PCDHA4: variants seen among roughly 807,000 people sequenced by gnomAD.
PCDHA4 encodes the protein protocadherin alpha 4.
PCDHA4 carries 49 observed loss-of-function variants against 61.4 expected under a neutral mutation model. The ratio of observed to expected loss-of-function variants is 0.80; its 90% CI spans 0.63 to 1.01. PCDHA4 has a LOEUF of 1.01. Among genes scored for constraint, PCDHA4 ranks in the 50% least tolerant of loss-of-function variants. The pLI is 0.00. For synonymous variants in PCDHA4, 590 were observed against 550.3 expected, an observed-to-expected ratio of 1.07 and a Z score of -1.01; for missense variants, 1,254 against 1,235.8, an observed-to-expected ratio of 1.01 and a Z score of -0.22.
rs370847724 is a variant in PCDHA4 at position 140,807,494 on chromosome 5, A to G, written c.307A>G (p.Ser103Gly). Residue 103 changes from serine (S) to glycine (G), a missense_variant, in exon 1 of 4, where the codon AGC becomes GGC. Ser to Gly is a moderately conservative substitution (Grantham distance 56). Transcript: ENST00000530339. ...GCTGTGCCGGCGGAGCGCGGAGTGC[A>G]GCATCCACCTGGAGGTGATCGTAGA... ...EELCRRSAEC[S>G]IHLEVIVDRP... 139 of 1,613,554 alleles carry G rather than the reference A, an allele frequency of 8.6e-5. No individual in the cohort carries two copies. The highest frequency in any genetic ancestry group is 1.1e-4 in the Non-Finnish European group (134 of 1,179,906).
intron 2 of PCDHA4, among the ~76,000 whole-genome samples, chr5:140,979,550 T>C (rs1201791524): frequency 5.3e-5 from 8 of 152,238 alleles, no homozygotes; most frequent in Non-Finnish European, 7.3e-5. Flanking sequence ...ACATGGTTCT[T>C]CAGAAGATGA....
chr5:140,862,965 C>T (rs1358517266), intron 1 of PCDHA4: 5 of 543,666 alleles, frequency 9.2e-6, no homozygotes, highest in African/African-American at 7.7e-5. Flanking sequence ...TCAGTGGATG[C>T]AGGCCACTTG....
At chr5:140,877,414 C>T (rs1554169712) in intron 1 of PCDHA4, 22 of 1,613,930 alleles carry the variant, frequency 1.4e-5, no homozygotes, top group Non-Finnish European at 1.8e-5. Context: ...CCACCGCCTG[C>T]TGGTGCTGGT....
intron 1 of PCDHA4, chr5:140,834,658 G>T (rs1554134403): frequency 6.2e-7 from 1 of 1,614,242 alleles, no homozygotes; most frequent in South Asian, 1.1e-5. Context: ...CGGATCGACC[G>T]CGAGGAGCTG....
At chr5:140,899,111 A>G (rs2067143820) in intron 1 of PCDHA4, among the ~76,000 whole-genome samples, 1 of 152,186 alleles carries the variant, frequency 6.6e-6, no homozygotes, top group Admixed American at 6.5e-5. Context: ...GGGGTTTTCT[A>G]GATATACAAT....
intron 1 of PCDHA4, among the ~76,000 whole-genome samples, chr5:140,972,728 A>T (rs189687890): frequency 6.8e-6 from 1 of 147,854 alleles, no homozygotes; most frequent in East Asian, 2.0e-4. Context: ...CAGTGGCGTA[A>T]TCCCGGCTCA....
At chr5:140,960,743 G>A (rs1328860955) in intron 1 of PCDHA4, among the ~76,000 whole-genome samples, 3 of 151,482 alleles carry the variant, frequency 2.0e-5, no homozygotes, top group Non-Finnish European at 4.4e-5. Flanking sequence ...TTTAGTCCAT[G>A]GCTAAAATCC....
At chr5:140,822,440 CAG>C (rs2150116452) in intron 1 of PCDHA4, 1 of 1,613,752 alleles carries the variant, frequency 6.2e-7, no homozygotes, top group Non-Finnish European at 8.5e-7. Flanking sequence ...CCCGAACTAA[CAG>C]GTACAGTTCA....
At chr5:140,961,214 A>C (rs1406613180) in intron 1 of PCDHA4, among the ~76,000 whole-genome samples, 4 of 152,288 alleles carry the variant, frequency 2.6e-5, no homozygotes, top group East Asian at 3.9e-4. Context: ...ATTGATGAAG[A>C]AACTGGGTCC....
In PCDHA4 at chr5:140,822,226, T is replaced by A. The variant is rs2150114732; in HGVS notation, c.2385+12654T>A. 1.2e-5 allele frequency: 19 copies of A among 1,614,276 alleles called. No homozygotes were observed. In the South Asian group the frequency reaches 2.1e-4, roughly 18 times the overall value. On this transcript the variant is annotated intron_variant, in intron 1 of 3. Coordinates refer to ENST00000530339, the MANE Select transcript of PCDHA4 (RefSeq NM_018907.4). The stretch of plus-strand genomic sequence containing the variant: ...AGAGTCAAGAATGCCAGATTCGCGG[T>A]TTCCGCTAGAGGGCGCGTCGGATTT...
chr5:140,927,309 C>T (rs2084071798), intron 1 of PCDHA4: 4 of 1,614,058 alleles, frequency 2.5e-6, no homozygotes, highest in Admixed American at 1.7e-5. Context: ...TCCTGACGCC[C>T]GGAGCCCGCT....
chr5:140,927,127 G>C (rs1202029150), intron 1 of PCDHA4: 1 of 1,613,964 alleles, frequency 6.2e-7, no homozygotes, highest in Non-Finnish European at 8.5e-7. Context: ...GGTGGTCAGA[G>C]AGCCGGCGGA....
intron 1 of PCDHA4, among the ~76,000 whole-genome samples, chr5:140,949,294 T>C (rs1554218899): frequency 1.3e-5 from 2 of 151,840 alleles, no homozygotes; most frequent in African/African-American, 4.8e-5. Flanking sequence ...TATTCTGTAA[T>C]TGTTGGGTGT....
intron 1 of PCDHA4, among the ~76,000 whole-genome samples, chr5:140,831,520 C>CTT (rs2150195630): frequency 1.3e-4 from 16 of 122,400 alleles, no homozygotes; most frequent in East Asian, 4.9e-4. Flanking sequence ...TGCCCCCCAC[C>CTT]TTTTTTTTTT....
In PCDHA4 at chr5:140,934,078, G is replaced by A. The variant is rs13188437; in HGVS notation, c.2386-44871G>A. On this transcript the variant is annotated intron_variant, in intron 1 of 3. Transcript: ENST00000530339. ...GGCTAACTTTTGGTGTTTTGGGTTC[G>A]CTTTGTTGTATGTTTGCTTTCTATT... is the stretch of plus-strand genomic sequence containing the variant. 1.4e-3 allele frequency among the ~76,000 whole-genome samples: 217 copies of A among 151,620 alleles called. 1 individual carries two copies. Among genetic ancestry groups the A allele is most frequent in the African/African-American group, 4.8e-3 (200 of 41,380 alleles).
intron 1 of PCDHA4, among the ~76,000 whole-genome samples, chr5:140,926,042 T>A (rs1316278838): frequency 2.0e-5 from 3 of 152,148 alleles, no homozygotes; most frequent in African/African-American, 7.2e-5. Context: ...CGGACACTAT[T>A]CCCCAACCTT....
At chr5:140,843,560 A>T (rs2150362735) in intron 1 of PCDHA4, 1 of 1,595,676 alleles carries the variant, frequency 6.3e-7, no homozygotes, top group Non-Finnish European at 8.6e-7. Context: ...TGCGGTGGGG[A>T]GCTGGTCATA....
rs2045496791 is a variant in PCDHA4 at position 140,858,579 on chromosome 5, T to C, written c.2385+49007T>C. 3 of 1,349,862 alleles carry C rather than the reference T, an allele frequency of 2.2e-6. No individual in the cohort carries two copies. In the East Asian group the frequency reaches 7.4e-5, roughly 33 times the overall value. The allele number at this position is 1,349,862 out of a possible 1,614,324, so 83.6% of individuals were successfully genotyped here. On this transcript the variant is annotated intron_variant, in intron 1 of 3. Transcript: ENST00000530339. Reference sequence around the variant, plus strand: ...AATATTTCTAGTGATACCTTTGTAATATAATTTATTCCAGGAGTTTTAAAA... The same window carrying C: ...AATATTTCTAGTGATACCTTTGTAACATAATTTATTCCAGGAGTTTTAAAA...
Position 141,009,661 on chromosome 5 carries a change from T to G in PCDHA4, c.2568T>G (p.Gly856=), listed in dbSNP as rs1554262260. ...PEAGEVSPPV[G]AGVNSNSWTF... ...CAGGAGAAGTGTCCCCTCCAGTCGG[T>G]GCGGGTGTCAACAGCAACAGCTGGA... The change falls in exon 4 of 4, where the codon GGT becomes GGG. Residue 856 remains glycine (G), a synonymous_variant. Coordinates refer to ENST00000530339, the MANE Select transcript of PCDHA4 (RefSeq NM_018907.4). 1 of 1,614,030 alleles carries G rather than the reference T, an allele frequency of 6.2e-7. No homozygotes were observed.
Sources: allele counts gnomAD v4.1 joint callset (sites outside exome capture counted in the v4.1 genomes callset), GRCh38; gene constraint gnomAD v4.1.1; transcripts MANE v1.5; gene names NCBI Gene and HGNC (gene_info 2026-07-23, HGNC 2026-07-21).